RANBP17: variants seen among roughly 807,000 people sequenced by gnomAD.
RANBP17 encodes ran-binding protein 17.
Under a neutral mutation model 141.2 loss-of-function variants are expected in RANBP17, and 158 were observed. The ratio of observed to expected loss-of-function variants is 1.12; its 90% confidence interval spans 0.98 to 1.28. The LOEUF is 1.28. Ranked by LOEUF, RANBP17 falls within the 50% of genes most tolerant of loss-of-function variation. The pLI is 0.00. For missense variants in RANBP17, 1,438 were observed against 1,290.7 expected, an observed-to-expected ratio of 1.11 and a Z score of -1.75; for synonymous variants, 430 against 450.0, an observed-to-expected ratio of 0.96 and a Z score of 0.56.
rs944228988 is a variant in RANBP17 at position 171,097,871 on chromosome 5, G to A, written c.1711-72259G>A. 2.6e-5 allele frequency among the ~76,000 whole-genome samples: 4 copies of A among 151,758 alleles called. No homozygotes were observed. The East Asian group carries it at 7.8e-4, about 29-fold the overall frequency. ...CTCATTTTTCACCTCCCACTTATGA[G>A]TGAGAACATGTGGTGTTTGGTTTTC... is the stretch of plus-strand genomic sequence containing the variant. On this transcript the variant is annotated intron_variant, in intron 14 of 27. Coordinates refer to ENST00000523189, the MANE Select transcript of RANBP17 (RefSeq NM_022897.5).
intron 12 of RANBP17, among the ~76,000 whole-genome samples, chr5:170,935,978 T>C (rs1038281618): frequency 2.0e-5 from 3 of 152,144 alleles, no homozygotes; most frequent in African/African-American, 7.2e-5. Context: ...GCTTACCTAC[T>C]CAAGCCGCAG....
At chr5:171,239,909 A>G (rs1168180281) in intron 22 of RANBP17, among the ~76,000 whole-genome samples, 1 of 152,192 alleles carries the variant, frequency 6.6e-6, no homozygotes, top group Non-Finnish European at 1.5e-5. Flanking sequence ...CAACCTTTAA[A>G]AAGTCATGGC....
intron 14 of RANBP17, among the ~76,000 whole-genome samples, chr5:171,051,917 G>C (rs1266364450): frequency 6.6e-6 from 1 of 151,994 alleles, no homozygotes; most frequent in Admixed American, 6.6e-5. Context: ...TCGCTTTCTT[G>C]TTGTTGTTTT....
intron 12 of RANBP17, among the ~76,000 whole-genome samples, chr5:170,932,439 A>G (rs1773471514): frequency 2.6e-5 from 4 of 152,182 alleles, no homozygotes; most frequent in Non-Finnish European, 2.9e-5. Context: ...AACATCCAAC[A>G]CTATGTTGAA....
intron 13 of RANBP17, among the ~76,000 whole-genome samples, chr5:170,958,585 A>G (rs1013953032): frequency 2.6e-5 from 4 of 152,192 alleles, no homozygotes; most frequent in South Asian, 2.1e-4. Flanking sequence ...AATCACTTTC[A>G]TATGAAGATG....
At chr5:170,896,252 GTA>G (rs1770109414) in intron 5 of RANBP17, 137 bp downstream of exon 5, 3 of 610,796 alleles carry the variant, frequency 4.9e-6, no homozygotes, top group Admixed American at 3.3e-5. Flanking sequence ...TTTTGTGTGT[GTA>G]TCTGTTTTAT....
At chr5:171,244,859 C>A (rs529326626) in intron 24 of RANBP17, among the ~76,000 whole-genome samples, 1 of 152,250 alleles carries the variant, frequency 6.6e-6, no homozygotes, top group East Asian at 1.9e-4. Flanking sequence ...GGCGCGGTGG[C>A]TCACGCCTGT....
intron 14 of RANBP17, among the ~76,000 whole-genome samples, chr5:171,083,972 T>A (rs1469510754): frequency 1.3e-5 from 2 of 151,150 alleles, no homozygotes; most frequent in African/African-American, 4.9e-5. Flanking sequence ...TTTTTTTTTT[T>A]AATTATACTT....
At chr5:171,259,032 AAT>A (rs1329416507) in intron 24 of RANBP17, among the ~76,000 whole-genome samples, 1 of 152,228 alleles carries the variant, frequency 6.6e-6, no homozygotes, top group Non-Finnish European at 1.5e-5. Context: ...GGAAAAAACA[AAT>A]AATTCCCTTT....
At chr5:170,960,568 CT>C (rs527601673) in intron 13 of RANBP17, among the ~76,000 whole-genome samples, 4 of 152,176 alleles carry the variant, frequency 2.6e-5, no homozygotes, top group Non-Finnish European at 5.9e-5. Flanking sequence ...TCAGTTCTAT[CT>C]TTTAGTTACC....
At chr5:171,040,097 G>T (rs1329078365) in intron 14 of RANBP17, among the ~76,000 whole-genome samples, 1 of 152,020 alleles carries the variant, frequency 6.6e-6, no homozygotes, top group Non-Finnish European at 1.5e-5. Context: ...TATCTCTGAT[G>T]AACGTGGACA....
chr5:171,032,424 TTAA>T (rs1781604529), intron 14 of RANBP17, among the ~76,000 whole-genome samples: 1 of 152,180 alleles, frequency 6.6e-6, no homozygotes, highest in African/African-American at 2.4e-5. Flanking sequence ...TTCAAGCAGA[TTAA>T]AATCAATGGT....
intron 12 of RANBP17, among the ~76,000 whole-genome samples, chr5:170,949,866 G>A (rs1183769521): frequency 6.6e-6 from 1 of 152,130 alleles, no homozygotes; most frequent in African/African-American, 2.4e-5. Context: ...TATATCCATA[G>A]TAACCAAAAC....
chr5:171,191,321 C>G (rs1224629943), intron 18 of RANBP17, among the ~76,000 whole-genome samples: 1 of 148,364 alleles, frequency 6.7e-6, no homozygotes, highest in African/African-American at 2.5e-5. Flanking sequence ...AAACCACTTT[C>G]ATAGGCATTT....
intron 14 of RANBP17, among the ~76,000 whole-genome samples, chr5:171,169,707 C>T (rs930625189): frequency 6.7e-6 from 1 of 150,136 alleles, no homozygotes; most frequent in Non-Finnish European, 1.5e-5. Context: ...TTAAATAATC[C>T]TGAAATGGTT....
chr5:170,984,666 T>C (rs1744492148), intron 14 of RANBP17, among the ~76,000 whole-genome samples: 1 of 152,062 alleles, frequency 6.6e-6, no homozygotes, highest in Non-Finnish European at 1.5e-5. Flanking sequence ...AATAGTTAAA[T>C]ACATATGTAA....
intron 14 of RANBP17, chr5:171,158,617 T>A (rs922514119): frequency 7.0e-5 from 12 of 171,356 alleles, no homozygotes; most frequent in African/African-American, 2.9e-4. Flanking sequence ...TCAAGTTTTG[T>A]TGTAACCTTT....
At chr5:170,886,182 T>C (rs1769126191) in intron 3 of RANBP17, among the ~76,000 whole-genome samples, 1 of 152,196 alleles carries the variant, frequency 6.6e-6, no homozygotes, top group Non-Finnish European at 1.5e-5. Flanking sequence ...GAGATGTGTT[T>C]AGGGGCACAT....
rs556766685 is a variant in RANBP17 at position 171,277,895 on chromosome 5, A to G, written c.2943+12048A>G. Among the ~76,000 whole-genome samples, 10 of 147,770 alleles carry G rather than the reference A, an allele frequency of 6.8e-5. No individual in the cohort carries two copies. The East Asian group carries it at 1.8e-3, about 27-fold the overall frequency. ...AGAGCCATACAGCATTCTTCAATCA[A>G]GAACTGAATTGAGTCTTCAGTCCTT... On this transcript the variant is annotated intron_variant, in intron 25 of 27. Coordinates refer to ENST00000523189, the MANE Select transcript of RANBP17 (RefSeq NM_022897.5).
Sources: gnomAD v4.1 joint callset for allele counts (sites outside exome capture counted in the v4.1 genomes callset) on GRCh38, gnomAD v4.1.1 for gene constraint, MANE v1.5 for transcripts, NCBI Gene and HGNC (gene_info 2026-07-23, HGNC 2026-07-21) for gene names.